Variants in KIFAP3 observed in about 807,000 individuals in gnomAD.
KIFAP3 encodes the protein kinesin associated protein 3.
Under a neutral mutation model 106.5 loss-of-function variants are expected in KIFAP3, and 68 were observed. The observed-to-expected ratio is 0.64, with a 90% CI of 0.53 to 0.78. KIFAP3 has a LOEUF of 0.78. KIFAP3 is among the 30% of genes least tolerant of loss of function. KIFAP3 has a pLI of 0.00. For synonymous variants in KIFAP3, 320 were observed against 311.5 expected, an observed-to-expected ratio of 1.03 and a Z score of -0.29; for missense variants, 780 against 941.8, an observed-to-expected ratio of 0.83 and a Z score of 2.25.
At chr1:169,967,842 T>C (rs1018095437) in intron 17 of KIFAP3, among the ~76,000 whole-genome samples, 11 of 151,708 alleles carry the variant, frequency 7.3e-5, no homozygotes, top group African/African-American at 2.7e-4. Flanking sequence ...TTAAAATAAA[T>C]TTCTCTAACC....
At chr1:169,958,446 T>G (rs1348203231) in intron 18 of KIFAP3, among the ~76,000 whole-genome samples, 1 of 152,120 alleles carries the variant, frequency 6.6e-6, no homozygotes, top group Admixed American at 6.5e-5. Context: ...TTTGGTGAAC[T>G]AGCTAAAGGT....
At chr1:170,059,632 C>T (rs113650989) in intron 1 of KIFAP3, among the ~76,000 whole-genome samples, 9,648 of 152,114 alleles carry the variant, frequency 0.063, 389 homozygotes, top group Non-Finnish European at 0.095. Flanking sequence ...TTCCAATCAA[C>T]AGAAAAAGAG....
Position 169,961,235 on chromosome 1 carries a change from C to A in KIFAP3, c.1984G>T (p.Glu662Ter). 1 of 1,608,532 alleles carries A rather than the reference C, an allele frequency of 6.2e-7. No homozygotes were observed. ...TTCTTAGCCCATTCTTCATCATATTCCTATTGAAAACAAACAGTCAACTGT... is the reference window on the plus strand; with the variant it reads ...TTCTTAGCCCATTCTTCATCATATTACTATTGAAAACAAACAGTCAACTGT... ...VCDNTLDIIA[E>*]YDEEWAKKIQ... Residue 662 changes from glutamate to a stop codon, truncating the protein, a stop_gained and splice_region_variant, in exon 18 of 20, where the codon GAA (glutamate) becomes TAA (stop). Coordinates refer to ENST00000361580, the MANE Select transcript of KIFAP3 (RefSeq NM_014970.4). LOFTEE classifies it high-confidence loss of function.
At chr1:170,020,876 A>C (rs79863685) in intron 9 of KIFAP3, among the ~76,000 whole-genome samples, 9,573 of 152,250 alleles carry the variant, frequency 0.063, 383 homozygotes, top group Non-Finnish European at 0.095. Context: ...CGACAATGAC[A>C]AAAACCTCTA....
At chr1:170,028,167 G>T (rs906666141) in intron 8 of KIFAP3, among the ~76,000 whole-genome samples, 1 of 151,536 alleles carries the variant, frequency 6.6e-6, no homozygotes, top group African/African-American at 2.4e-5. Flanking sequence ...AATTGCTCAG[G>T]CAAAAAGAAA....
At chr1:169,948,933 A>G (rs1031563627) in intron 19 of KIFAP3, among the ~76,000 whole-genome samples, 1 of 152,072 alleles carries the variant, frequency 6.6e-6, no homozygotes, top group Non-Finnish European at 1.5e-5. Flanking sequence ...AGGGAAAAAA[A>G]CAGTAAACTA....
At chr1:170,033,683 T>A (rs1470755620) in intron 7 of KIFAP3, among the ~76,000 whole-genome samples, 1 of 151,762 alleles carries the variant, frequency 6.6e-6, no homozygotes, top group African/African-American at 2.4e-5. Flanking sequence ...TAGAAGTTAT[T>A]GGGGAATGGA....
chr1:170,083,375 A>G (rs759337550), intron 1 of KIFAP3, among the ~76,000 whole-genome samples: 9 of 152,156 alleles, frequency 5.9e-5, no homozygotes, highest in Non-Finnish European at 8.8e-5. Context: ...GAAGAAACCA[A>G]TCTCATTCAG....
chr1:169,968,340 T>G (rs1261834027), intron 17 of KIFAP3, among the ~76,000 whole-genome samples: 1 of 151,922 alleles, frequency 6.6e-6, no homozygotes, highest in East Asian at 1.9e-4. Context: ...GAAAACTCTT[T>G]GTCACTGGCT....
At chr1:169,924,489 T>C (rs1663015558) in intron 19 of KIFAP3, among the ~76,000 whole-genome samples, 1 of 152,240 alleles carries the variant, frequency 6.6e-6, no homozygotes, top group Non-Finnish European at 1.5e-5. Flanking sequence ...GCAAAAAATA[T>C]TTAAAACATT....
chr1:169,947,040 T>TA (rs1341231972), intron 19 of KIFAP3, among the ~76,000 whole-genome samples: 1 of 151,966 alleles, frequency 6.6e-6, no homozygotes, highest in Non-Finnish European at 1.5e-5. Context: ...ACCACTGCAT[T>TA]ATCTTAGGAA....
intron 16 of KIFAP3, 62 bp from the exon 17 acceptor site, chr1:169,972,660 CA>C (rs1237934132): frequency 2.7e-5 from 20 of 737,546 alleles, no homozygotes; most frequent in Non-Finnish European, 4.2e-5. Flanking sequence ...AATAATACTA[CA>C]AAAATCTCAT....
chr1:170,000,089 AT>A (rs1210811631), intron 10 of KIFAP3, among the ~76,000 whole-genome samples: 1 of 152,008 alleles, frequency 6.6e-6, no homozygotes, highest in East Asian at 1.9e-4. Context: ...ACACCATTCA[AT>A]TACTAATTTT....
chr1:170,039,113 G>T, intron 4 of KIFAP3, 120 bp downstream of exon 4: 1 of 504,880 alleles, frequency 2.0e-6, no homozygotes. Context: ...AGGTACCTCT[G>T]AGTTCAGTCA....
intron 8 of KIFAP3, among the ~76,000 whole-genome samples, chr1:170,030,250 A>T (rs1669332331): frequency 6.6e-6 from 1 of 151,974 alleles, no homozygotes; most frequent in Non-Finnish European, 1.5e-5. Context: ...TATCCAATTT[A>T]ATAATAAGGC....
intron 18 of KIFAP3, among the ~76,000 whole-genome samples, chr1:169,960,593 A>G (rs560094765): frequency 6.6e-6 from 1 of 152,290 alleles, no homozygotes; most frequent in East Asian, 1.9e-4. Flanking sequence ...AATCGTCCCC[A>G]AAGTTACCAT....
intron 19 of KIFAP3, among the ~76,000 whole-genome samples, chr1:169,932,257 T>C (rs971541248): frequency 3.3e-5 from 5 of 152,102 alleles, no homozygotes. Context: ...GGAAAGTTCT[T>C]GTTGGAGGTG....
In KIFAP3 at chr1:169,984,709, C is replaced by A. The variant is rs1571607344; in HGVS notation, c.1285-19G>T. The stretch of plus-strand genomic sequence containing the variant: ...TCATTAACTAGCAAGAAGCACAGGG[C>A]ACATTTTACTCAAGAAACAAAGACA... On this transcript the variant is annotated intron_variant, in intron 11 of 19. Coordinates refer to ENST00000361580, the MANE Select transcript of KIFAP3 (RefSeq NM_014970.4). 1 of 1,353,760 alleles carries A rather than the reference C, an allele frequency of 7.4e-7. No homozygotes were observed. Among genetic ancestry groups the A allele is most frequent in the Non-Finnish European group, 1.0e-6 (1 of 953,454 alleles). The allele number at this position is 1,353,760 out of a possible 1,614,324, so 83.9% of individuals were successfully genotyped here.
At chr1:169,943,342 TAAC>T (rs1330106903) in intron 19 of KIFAP3, among the ~76,000 whole-genome samples, 3 of 152,174 alleles carry the variant, frequency 2.0e-5, no homozygotes, top group Non-Finnish European at 2.9e-5. Flanking sequence ...ATAAGAAATC[TAAC>T]AACTGTTCAT....
Sources: allele counts gnomAD v4.1 joint callset (sites outside exome capture counted in the v4.1 genomes callset), GRCh38; gene constraint gnomAD v4.1.1; transcripts MANE v1.5; gene names NCBI Gene and HGNC (gene_info 2026-07-23, HGNC 2026-07-21).